Variants in KLHL20 observed in about 807,000 individuals in gnomAD.
The protein encoded by KLHL20 is kelch like family member 20, also known as kelch-like protein 20.
A neutral mutation model predicts 69.5 loss-of-function variants in KLHL20; 29 were observed. The observed-to-expected ratio is 0.42, with a 90% CI of 0.31 to 0.57. The LOEUF (loss-of-function observed/expected upper bound fraction) is 0.57, where lower values mean the gene tolerates loss of function less well. KLHL20 is among the 20% of genes least tolerant of loss of function. The pLI is 0.18. For missense variants in KLHL20, 419 were observed against 776.0 expected, an observed-to-expected ratio of 0.54 and a Z score of 5.47; for synonymous variants, 253 against 265.2, an observed-to-expected ratio of 0.95 and a Z score of 0.45.
chr1:173,754,038 A>C (rs1200244827), intron 5 of KLHL20, among the ~76,000 whole-genome samples: 1 of 150,666 alleles, frequency 6.6e-6, no homozygotes, highest in Admixed American at 6.6e-5. Flanking sequence ...AGAACTTTGT[A>C]AACTACACTG....
At chr1:173,765,027 T>G (rs942611483) in intron 7 of KLHL20, among the ~76,000 whole-genome samples, 1 of 152,112 alleles carries the variant, frequency 6.6e-6, no homozygotes, top group Admixed American at 6.5e-5. Flanking sequence ...TTACATGAAT[T>G]TTAGCTTAGA....
At chr1:173,738,472 G>A (rs1672641855) in intron 3 of KLHL20, among the ~76,000 whole-genome samples, 1 of 152,070 alleles carries the variant, frequency 6.6e-6, no homozygotes, top group East Asian at 1.9e-4. Context: ...ACCTGGTCCT[G>A]GATGCCCTTT....
intron 1 of KLHL20, chr1:173,715,317 C>T (rs1671417834): frequency 6.6e-6 from 1 of 152,320 alleles, no homozygotes; most frequent in Non-Finnish European, 1.5e-5. Flanking sequence ...TTTGTCCTGC[C>T]TGGTGGTGCT....
chr1:173,769,766 G>T lies in KLHL20; in HGVS notation c.1295+3477G>T, dbSNP rs1204429333. 2.9e-5 allele frequency among the ~76,000 whole-genome samples: 4 copies of T among 138,080 alleles called. No homozygotes were observed. The East Asian group carries it at 8.5e-4, about 29-fold the overall frequency. The allele number at this position is 138,080 out of a possible 152,430, so 90.6% of individuals were successfully genotyped here. ...ACTGCACTCTAGCCAGGGTAATAGA[G>T]TGAGACCCTGTCTCAAAAAAAAAAA... On this transcript the variant is annotated intron_variant, in intron 8 of 11. Transcript: ENST00000209884.
At chr1:173,735,487 A>C (rs1178415044) in intron 3 of KLHL20, among the ~76,000 whole-genome samples, 1 of 152,004 alleles carries the variant, frequency 6.6e-6, no homozygotes, top group African/African-American at 2.4e-5. Context: ...TGATCCTAAG[A>C]GTGCTAGAAA....
intron 1 of KLHL20, chr1:173,715,673 A>C: frequency 4.7e-6 from 1 of 210,540 alleles, no homozygotes; most frequent in Non-Finnish European, 9.6e-6. Context: ...TGCTGTGGGT[A>C]TCTGGTGCTT....
chr1:173,739,889 C>T (rs1423076000), intron 3 of KLHL20, among the ~76,000 whole-genome samples: 2 of 151,584 alleles, frequency 1.3e-5, no homozygotes, highest in Non-Finnish European at 2.9e-5. Context: ...GATCTGCCCA[C>T]CTTGGCGTCC....
intron 8 of KLHL20, among the ~76,000 whole-genome samples, chr1:173,772,610 T>C (rs1648168672): frequency 6.6e-6 from 1 of 152,222 alleles, no homozygotes; most frequent in African/African-American, 2.4e-5. Flanking sequence ...CATATTATTA[T>C]ATTGATTAAC....
intron 10 of KLHL20, among the ~76,000 whole-genome samples, chr1:173,781,092 C>T (rs908355408): frequency 1.3e-5 from 2 of 151,586 alleles, no homozygotes; most frequent in Non-Finnish European, 2.9e-5. Context: ...AGCCAGGGAA[C>T]ATGTGCAAAA....
chr1:173,720,371 G>A (rs2102451740), intron 2 of KLHL20, among the ~76,000 whole-genome samples: 1 of 152,060 alleles, frequency 6.6e-6, no homozygotes, highest in Middle Eastern at 3.4e-3. Context: ...ACCCAGAATT[G>A]TCTGACATGC....
At chr1:173,717,293 T>C (rs561929983) in intron 2 of KLHL20, among the ~76,000 whole-genome samples, 1 of 152,338 alleles carries the variant, frequency 6.6e-6, no homozygotes, top group Non-Finnish European at 1.5e-5. Flanking sequence ...CAGTAGTCTA[T>C]ATAAAATATT....
At chr1:173,752,104 C>T (rs1023018361) in intron 4 of KLHL20, among the ~76,000 whole-genome samples, 182 bp downstream of exon 4, 1 of 152,016 alleles carries the variant, frequency 6.6e-6, no homozygotes, top group Non-Finnish European at 1.5e-5. Context: ...GGCATTGTGG[C>T]GGGCGCCTGT....
intron 2 of KLHL20, among the ~76,000 whole-genome samples, chr1:173,725,642 C>T (rs1671919506): frequency 6.6e-6 from 1 of 152,208 alleles, no homozygotes; most frequent in Non-Finnish European, 1.5e-5. Flanking sequence ...TGTCCTTTAA[C>T]ACAAGTTTAG....
chr1:173,749,421 C>T lies in KLHL20; in HGVS notation c.598-2343C>T, dbSNP rs186088654. Among the ~76,000 whole-genome samples the T allele has an allele frequency of 2.4e-4, 36 of 152,234 alleles. No individual in the cohort carries two copies. The East Asian group carries it at 5.4e-3, about 23-fold the overall frequency. On this transcript the variant is annotated intron_variant, in intron 3 of 11. Transcript: ENST00000209884. ...GTGTGGGGCTTAGAGTTCAGATCGC[C>T]TCTAAACTCTTATTTAAGAGTAGAT...
chr1:173,738,313 T>G (rs116459350), intron 3 of KLHL20, among the ~76,000 whole-genome samples: 9,291 of 152,120 alleles, frequency 0.061, 1,008 homozygotes, highest in African/African-American at 0.21. Context: ...GGACTACAGA[T>G]GCGCACCATC....
At chr1:173,726,498 C>T (rs59332560) in intron 2 of KLHL20, among the ~76,000 whole-genome samples, 9,548 of 152,212 alleles carry the variant, frequency 0.063, 964 homozygotes, top group African/African-American at 0.21. Flanking sequence ...GAGGCACCCC[C>T]CAGTAGGGGC....
At position 173,753,216 on chromosome 1, in the gene KLHL20, C is replaced by T. The variant is rs1673389799; in HGVS notation, c.760C>T (p.Leu254=). The stretch of plus-strand genomic sequence containing the variant: ...AATGGTGTTTATTTTCTCATAGGTG[C>T]TGCAGCATGTTCGTTTGCCTTTGCT... ...QERRPQLPQV[L]QHVRLPLLSP... is the part of the protein sequence containing the mutation. The change falls in exon 5 of 12, where the codon CTG becomes TTG. Residue 254 remains leucine (L), a synonymous_variant. Coordinates refer to ENST00000209884, the MANE Select transcript of KLHL20 (RefSeq NM_014458.4). The T allele has an allele frequency of 1.9e-6, 3 of 1,612,242 alleles. No homozygotes were observed. Among genetic ancestry groups the T allele is most frequent in the African/African-American group, 2.7e-5 (2 of 74,820 alleles).
chr1:173,741,517 C>T (rs188411415), intron 3 of KLHL20, among the ~76,000 whole-genome samples: 2 of 152,202 alleles, frequency 1.3e-5, no homozygotes, highest in African/African-American at 4.8e-5. Flanking sequence ...CCAGAAAAGA[C>T]AGAAGATAAA....
At position 173,780,756 on chromosome 1, in the gene KLHL20, A is replaced by C. The variant is rs1648809605; in HGVS notation, c.1639-1368A>C. 1.3e-5 allele frequency among the ~76,000 whole-genome samples: 2 copies of C among 151,952 alleles called. 1 individual carries two copies. The highest frequency in any genetic ancestry group is 4.2e-4 in the South Asian group (2 of 4,812). On this transcript the variant is annotated intron_variant, in intron 10 of 11. Coordinates refer to ENST00000209884, the MANE Select transcript of KLHL20 (RefSeq NM_014458.4). Reference sequence around the variant, plus strand: ...TTTGTTTTATTTTGTTTTGAGATGGAGTCTTGCTCTGTCATCTAGGCTGGA... The same window carrying C: ...TTTGTTTTATTTTGTTTTGAGATGGCGTCTTGCTCTGTCATCTAGGCTGGA...
Sources: gnomAD v4.1 joint callset for allele counts (sites outside exome capture counted in the v4.1 genomes callset) on GRCh38, gnomAD v4.1.1 for gene constraint, MANE v1.5 for transcripts, NCBI Gene and HGNC (gene_info 2026-07-23, HGNC 2026-07-21) for gene names.